Variants in ACTMAP observed in about 807,000 individuals in gnomAD.
ACTMAP encodes the protein actin maturation protease.
At chr19:40,743,806 C>T in the ACTMAP span, 1 of 1,470,744 alleles carries the variant, frequency 6.8e-7, no homozygotes, top group Non-Finnish European at 9.5e-7. Context: ...CCCAGCCTGG[C>T]TGGGGAGGCA....
the ACTMAP span, chr19:40,742,848 T>C: frequency 7.3e-7 from 1 of 1,376,150 alleles, no homozygotes; most frequent in Non-Finnish European, 9.9e-7. Flanking sequence ...TTCCGCCCTC[T>C]CCCGGCCCTC....
chr19:40,746,813 C>CT, the ACTMAP span, among the ~76,000 whole-genome samples: 6 of 150,556 alleles, frequency 4.0e-5, no homozygotes, highest in South Asian at 4.2e-4. Context: ...GCCCGGCCTC[C>CT]TTTTTTTTGT....
chr19:40,741,262 C>T, the ACTMAP span: 6 of 331,832 alleles, frequency 1.8e-5, no homozygotes, highest in Non-Finnish European at 3.3e-5. Flanking sequence ...GCCAACATGG[C>T]AAAGCCCCGT....
the ACTMAP span, among the ~76,000 whole-genome samples, chr19:40,747,651 T>C: frequency 6.6e-6 from 1 of 152,126 alleles, no homozygotes; most frequent in Non-Finnish European, 1.5e-5. Context: ...GCCCAAGAAT[T>C]CAAGACCCAG....
chr19:40,744,661 TC>T, the ACTMAP span: 2 of 1,612,224 alleles, frequency 1.2e-6, no homozygotes. Flanking sequence ...GTACCTGCCA[TC>T]CACAAGGCCA....
chr19:40,745,173 G>C, the ACTMAP span: 3 of 1,551,862 alleles, frequency 1.9e-6, no homozygotes, highest in South Asian at 3.6e-5. Context: ...GCACAGAAGA[G>C]GATCCACCGC....
At chr19:40,746,046 T>C in the ACTMAP span, among the ~76,000 whole-genome samples, 4 of 152,188 alleles carry the variant, frequency 2.6e-5, no homozygotes, top group Non-Finnish European at 4.4e-5. Flanking sequence ...TGTTTTTCGC[T>C]TCAAGTCTGT....
chr19:40,742,773 G>T, the ACTMAP span: 4 of 1,603,314 alleles, frequency 2.5e-6, no homozygotes, highest in South Asian at 3.4e-5. Context: ...CAGGACCCCT[G>T]GGGGAGAGGA....
chr19:40,746,529 C>T, the ACTMAP span, among the ~76,000 whole-genome samples: 1 of 152,154 alleles, frequency 6.6e-6, no homozygotes, highest in Non-Finnish European at 1.5e-5. Flanking sequence ...GCTCCCGCCA[C>T]CACACCTGGC....
chr19:40,746,870 G>A, the ACTMAP span, among the ~76,000 whole-genome samples: 9 of 151,886 alleles, frequency 5.9e-5, no homozygotes, highest in South Asian at 4.2e-4. Flanking sequence ...ACAGTGGTGC[G>A]ATCTTGGCTC....
chr19:40,743,207 G>A, the ACTMAP span, among the ~76,000 whole-genome samples: 1 of 150,618 alleles, frequency 6.6e-6, no homozygotes, highest in African/African-American at 2.4e-5. Flanking sequence ...TACTTACAGA[G>A]ACATGTCACA....
At chr19:40,748,880 C>T in the ACTMAP span, among the ~76,000 whole-genome samples, 2 of 152,100 alleles carry the variant, frequency 1.3e-5, no homozygotes, top group Non-Finnish European at 2.9e-5. Context: ...CAGCCTGGGT[C>T]AGACACCCCT....
chr19:40,744,334 G>A, the ACTMAP span: 1 of 1,385,012 alleles, frequency 7.2e-7, no homozygotes, highest in Non-Finnish European at 9.6e-7. Flanking sequence ...GGCACAAAGA[G>A]CGTGAGTGGC....
At chr19:40,742,481 G>T in the ACTMAP span, 10 of 1,487,818 alleles carry the variant, frequency 6.7e-6, no homozygotes, top group East Asian at 2.5e-4. Flanking sequence ...GGCCACAGAG[G>T]CCAGCCCGTA....
chr19:40,743,405 G>A, the ACTMAP span, among the ~76,000 whole-genome samples: 5 of 152,080 alleles, frequency 3.3e-5, no homozygotes, highest in Non-Finnish European at 7.4e-5. Flanking sequence ...GCTAATTTTT[G>A]TATTTTTAGT....
the ACTMAP span, among the ~76,000 whole-genome samples, chr19:40,746,680 T>C: frequency 6.6e-6 from 1 of 152,268 alleles, no homozygotes; most frequent in East Asian, 1.9e-4. Context: ...CGGCCCTTTT[T>C]TGTATTTTTA....
the ACTMAP span, among the ~76,000 whole-genome samples, chr19:40,749,243 G>A: frequency 1.3e-5 from 2 of 152,000 alleles, no homozygotes; most frequent in Admixed American, 6.6e-5. Flanking sequence ...CACCCGCCTC[G>A]GCCTCCCAAA....
At chr19:40,749,827 A>C in the ACTMAP span, 1 of 1,398,838 alleles carries the variant, frequency 7.1e-7, no homozygotes, top group South Asian at 1.6e-5. Flanking sequence ...GGAGGTGTTG[A>C]GAGGTTCAGA....
the ACTMAP span, chr19:40,742,390 A>C: frequency 6.9e-7 from 1 of 1,439,720 alleles, no homozygotes; most frequent in South Asian, 1.5e-5. Context: ...GCACACTTCA[A>C]ATGGTTACCG....
Sources: gnomAD v4.1 joint callset for allele counts (sites outside exome capture counted in the v4.1 genomes callset) on GRCh38, gnomAD v4.1.1 for gene constraint, MANE v1.5 for transcripts, NCBI Gene and HGNC (gene_info 2026-07-23, HGNC 2026-07-21) for gene names.